The following NCAM2 variants were observed in gnomAD, a reference collection of about 807,000 sequenced individuals.
NCAM2 encodes N-CAM-2.
NCAM2 carries 30 observed loss-of-function variants against 98.1 expected under a neutral mutation model. The observed-to-expected ratio is 0.31, with a 90% CI of 0.23 to 0.41. The LOEUF (loss-of-function observed/expected upper bound fraction) is 0.41. Ranked by LOEUF, NCAM2 falls within the 10% of genes least tolerant of loss-of-function variation. The probability of loss-of-function intolerance (pLI) is 1.00; values close to 1 mark genes in which losing one functional copy is unlikely to be tolerated. For missense variants in NCAM2, 867 were observed against 1,005.8 expected, an observed-to-expected ratio of 0.86 and a Z score of 1.87; for synonymous variants, 368 against 342.4, an observed-to-expected ratio of 1.07 and a Z score of -0.83.
chr21:21,512,958 A>G (rs920081846), intron 16 of NCAM2, among the ~76,000 whole-genome samples: 1 of 151,984 alleles, frequency 6.6e-6, no homozygotes, highest in Non-Finnish European at 1.5e-5. Context: ...TACTGAATAT[A>G]TTTGTTAGTT....
At chr21:21,436,210 C>T (rs1057462200) in intron 12 of NCAM2, among the ~76,000 whole-genome samples, 2 of 152,128 alleles carry the variant, frequency 1.3e-5, no homozygotes, top group African/African-American at 4.8e-5. Flanking sequence ...TTGACTGAAA[C>T]GTTCTACTTT....
chr21:21,402,920 A>G (rs1260648025), intron 9 of NCAM2, among the ~76,000 whole-genome samples: 1 of 152,176 alleles, frequency 6.6e-6, no homozygotes, highest in Non-Finnish European at 1.5e-5. Flanking sequence ...ATTCCCACCA[A>G]AAGCATATAA....
intron 1 of NCAM2, among the ~76,000 whole-genome samples, chr21:21,016,584 C>A (rs140398463): frequency 5.4e-4 from 82 of 152,116 alleles, no homozygotes; most frequent in African/African-American, 2.0e-3. Context: ...TAAAAGAAAA[C>A]TATGCATTGT....
intron 14 of NCAM2, among the ~76,000 whole-genome samples, chr21:21,475,681 A>G (rs550975087): frequency 6.6e-6 from 1 of 152,318 alleles, no homozygotes; most frequent in Admixed American, 6.5e-5. Context: ...ATTTTTATAA[A>G]AACAGATATT....
At chr21:21,163,558 C>T (rs1388261223) in intron 1 of NCAM2, among the ~76,000 whole-genome samples, 1 of 151,956 alleles carries the variant, frequency 6.6e-6, no homozygotes, top group Admixed American at 6.6e-5. Flanking sequence ...GCCTGTGTTG[C>T]TTGATATAAC....
chr21:21,193,738 C>T (rs2068905979), intron 1 of NCAM2, among the ~76,000 whole-genome samples: 1 of 152,016 alleles, frequency 6.6e-6, no homozygotes, highest in African/African-American at 2.4e-5. Flanking sequence ...TCATGATCCG[C>T]CCACCTCGGC....
Position 21,496,330 on chromosome 21 carries a change from C to A in NCAM2, c.2078-12521C>A, listed in dbSNP as rs181588679. ...TATTCTCATTGGTGCGAGATACTAT[C>A]TCATTGTGGTTTTGATTTACATTTT... is the stretch of plus-strand genomic sequence containing the variant. On this transcript the variant is annotated intron_variant, in intron 15 of 17. Coordinates refer to ENST00000400546, the MANE Select transcript of NCAM2 (RefSeq NM_004540.5). 1.5e-3 allele frequency among the ~76,000 whole-genome samples: 232 copies of A among 152,120 alleles called. 1 individual carries two copies. Among genetic ancestry groups the A allele is most frequent in the African/African-American group, 5.3e-3 (221 of 41,542 alleles).
chr21:21,198,314 G>A (rs1601623010), intron 1 of NCAM2, among the ~76,000 whole-genome samples: 2 of 151,752 alleles, frequency 1.3e-5, no homozygotes, highest in East Asian at 3.9e-4. Flanking sequence ...ATTAAAGTAA[G>A]TATAAGTTTC....
At chr21:21,360,725 A>G (rs1031382889) in intron 8 of NCAM2, among the ~76,000 whole-genome samples, 5 of 151,790 alleles carry the variant, frequency 3.3e-5, no homozygotes, top group Admixed American at 3.3e-4. Context: ...AACACAAGTC[A>G]TGGTTTAATT....
chr21:21,143,759 G>T, intron 1 of NCAM2, among the ~76,000 whole-genome samples: 1 of 140,958 alleles, frequency 7.1e-6, no homozygotes, highest in African/African-American at 2.6e-5. Flanking sequence ...TATGTTTGGT[G>T]TCTTGTAGGC....
chr21:21,376,239 A>G (rs1433571272), intron 9 of NCAM2, among the ~76,000 whole-genome samples: 1 of 151,832 alleles, frequency 6.6e-6, no homozygotes, highest in Non-Finnish European at 1.5e-5. Flanking sequence ...TTGTCCATGC[A>G]TGACAGCATA....
At chr21:21,270,400 T>C (rs974143976) in intron 1 of NCAM2, among the ~76,000 whole-genome samples, 45 of 152,160 alleles carry the variant, frequency 3.0e-4, no homozygotes, top group African/African-American at 1.0e-3. Flanking sequence ...CTAAGATATA[T>C]TTCCTACTTT....
rs148226120 is a variant in NCAM2, at chr21:21,457,122, C to A, written c.1655-9484C>A. 5.5e-3 allele frequency among the ~76,000 whole-genome samples: 840 copies of A among 152,124 alleles called. 4 individuals carry two copies. Among genetic ancestry groups the A allele is most frequent in the Non-Finnish European group, 9.4e-3 (636 of 67,984 alleles). On this transcript the variant is annotated intron_variant, in intron 12 of 17. Transcript: ENST00000400546. ...AGCTGTAAGAGTTTTGCAGTACATG[C>A]TAGAAAGTGTTGGCATTGCCTCAAA...
rs543351736 is a variant in NCAM2 at position 21,056,560 on chromosome 21, A to T, written c.55+57942A>T. 1.7e-3 allele frequency among the ~76,000 whole-genome samples: 248 copies of T among 149,812 alleles called. 2 individuals carry two copies. The highest frequency in any genetic ancestry group is 5.8e-3 in the African/African-American group (235 of 40,792). On this transcript the variant is annotated intron_variant, in intron 1 of 17. Transcript: ENST00000400546. ...GGGGAGAGAGAGGAGAGAGAGAGAG[A>T]GTGAGAGAGAGAGATAGTGAGAGAG...
chr21:21,121,910 A>G (rs924114786), intron 1 of NCAM2, among the ~76,000 whole-genome samples: 2 of 152,242 alleles, frequency 1.3e-5, no homozygotes, highest in Non-Finnish European at 2.9e-5. Context: ...GAGACAGGGT[A>G]AAGTGAAAAG....
At chr21:21,425,765 G>T (rs564874934) in intron 11 of NCAM2, among the ~76,000 whole-genome samples, 68 of 152,270 alleles carry the variant, frequency 4.5e-4, no homozygotes, top group Non-Finnish European at 7.8e-4. Flanking sequence ...TTGGCAATTG[G>T]TAAAAACTAG....
chr21:21,393,373 T>C (rs1383399377), intron 9 of NCAM2, among the ~76,000 whole-genome samples: 2 of 151,960 alleles, frequency 1.3e-5, no homozygotes, highest in African/African-American at 4.8e-5. Flanking sequence ...TGTGATTTTT[T>C]CCAGATAGTA....
At chr21:21,238,561 G>T (rs1332666888) in intron 1 of NCAM2, among the ~76,000 whole-genome samples, 2 of 116,008 alleles carry the variant, frequency 1.7e-5, no homozygotes, top group African/African-American at 6.4e-5. Context: ...CATTTAGTTT[G>T]GGGGGAAATT....
intron 1 of NCAM2, among the ~76,000 whole-genome samples, chr21:21,209,490 C>G (rs1333835015): frequency 1.3e-5 from 2 of 152,094 alleles, no homozygotes; most frequent in Non-Finnish European, 2.9e-5. Context: ...GCCACCATGC[C>G]TGGCCTAGCT....
Sources: allele counts gnomAD v4.1 joint callset (sites outside exome capture counted in the v4.1 genomes callset), GRCh38; gene constraint gnomAD v4.1.1; transcripts MANE v1.5; gene names NCBI Gene and HGNC (gene_info 2026-07-23, HGNC 2026-07-21).